The following ZMYM5 variants were observed in gnomAD, a reference collection of about 807,000 sequenced individuals.
ZMYM5 encodes the protein zinc finger MYM-type containing 5, also known as zinc finger MYM-type protein 5.
ZMYM5 carries 41 observed loss-of-function variants against 61.8 expected under a neutral mutation model. The ratio of observed to expected loss-of-function variants is 0.66; its 90% CI spans 0.52 to 0.86. The LOEUF (loss-of-function observed/expected upper bound fraction) is 0.86. Ranked by LOEUF, ZMYM5 falls within the 40% of genes least tolerant of loss-of-function variation. ZMYM5 has a pLI of 0.00. For missense variants in ZMYM5, 706 were observed against 786.7 expected, an observed-to-expected ratio of 0.90 and a Z score of 1.23; for synonymous variants, 257 against 276.4, an observed-to-expected ratio of 0.93 and a Z score of 0.70.
Position 19,824,799 on chromosome 13 carries a change from T to G in ZMYM5, c.1688A>C (p.Tyr563Ser), listed in dbSNP as rs765659781. 1 of 1,354,346 alleles carries G rather than the reference T, an allele frequency of 7.4e-7. No individual in the cohort carries two copies. The highest frequency in any genetic ancestry group is 4.6e-5 in the East Asian group (1 of 21,906). The allele number at this position is 1,354,346 out of a possible 1,614,324, so 83.9% of individuals were successfully genotyped here. The change falls in exon 8 of 8, where the codon TAT becomes TCT. Residue 563 changes from tyrosine (Y) to serine (S), a missense_variant. Tyr to Ser is a moderately radical substitution (Grantham distance 144, BLOSUM62 -2). Coordinates refer to ENST00000337963, the MANE Select transcript of ZMYM5 (RefSeq NM_001142684.2). Reference sequence around the variant, plus strand: ...ACCATTTGGAAGAATCCGTGTATAATAAGTTTCTGAAAACTTCCTCCCTGT... The same window carrying G: ...ACCATTTGGAAGAATCCGTGTATAAGAAGTTTCTGAAAACTTCCTCCCTGT... ...DNTGRKFSET[Y>S]YTRILPNGEK...
At chr13:19,850,946 C>T (rs968893187) in intron 4 of ZMYM5, among the ~76,000 whole-genome samples, 4 of 152,122 alleles carry the variant, frequency 2.6e-5, no homozygotes, top group African/African-American at 4.8e-5. Flanking sequence ...TGGTGGCTCA[C>T]GCCTGTAATT....
Position 19,825,194 on chromosome 13 carries a change from A to G in ZMYM5, c.1293T>C (p.Asn431=), listed in dbSNP as rs1430023876. The change falls in exon 8 of 8, where the codon AAT becomes AAC. Residue 431 remains asparagine (N), a synonymous_variant. Transcript: ENST00000337963. ...CTTCTCTAAAAGCATTCCTTTTTCT[A>G]TTTTCTGATGCTGTTAATTTTTTTG... ...TKSKKLTASE[N]RKRNAFREEN... 2.3e-6 allele frequency: 3 copies of G among 1,280,686 alleles called. No homozygotes were observed. The highest frequency in any genetic ancestry group is 2.8e-5 in the Admixed American group (1 of 36,326). The allele number at this position is 1,280,686 out of a possible 1,614,324, so 79.3% of individuals were successfully genotyped here.
At chr13:19,844,174 G>A (rs984919285) in intron 4 of ZMYM5, among the ~76,000 whole-genome samples, 1 of 151,568 alleles carries the variant, frequency 6.6e-6, no homozygotes, top group Admixed American at 6.6e-5. Flanking sequence ...TAGGTGTGGT[G>A]GTATGCATAC....
At position 19,838,699 on chromosome 13, in the gene ZMYM5, C is replaced by CT; in HGVS notation, c.872dup (p.Asp292ArgfsTer8). On this transcript the variant is annotated frameshift_variant and splice_region_variant. Transcript: ENST00000337963. LOFTEE classifies it high-confidence loss of function. ...GAGAAATGTTGAAAGGTACTGCTTA[C>CT]TTTTTACATATTATGCTTCGTGTGT... is the stretch of plus-strand genomic sequence containing the variant. 6.2e-7 allele frequency: 1 copy of CT among 1,613,846 alleles called. No homozygotes were observed. Among genetic ancestry groups the CT allele is most frequent in the Non-Finnish European group, 8.5e-7 (1 of 1,179,796 alleles).
At chr13:19,848,020 G>A (rs942393504) in intron 4 of ZMYM5, among the ~76,000 whole-genome samples, 1 of 151,662 alleles carries the variant, frequency 6.6e-6, no homozygotes. Flanking sequence ...GCCCAGGCTG[G>A]AGTGCAGTGG....
At chr13:19,858,215 A>C (rs993379889) in intron 2 of ZMYM5, among the ~76,000 whole-genome samples, 2 of 151,130 alleles carry the variant, frequency 1.3e-5, no homozygotes, top group South Asian at 2.1e-4. Flanking sequence ...AAAAAAAAAA[A>C]CAAAAAAACC....
intron 4 of ZMYM5, among the ~76,000 whole-genome samples, chr13:19,841,339 GTTT>G (rs1362469335): frequency 6.6e-6 from 1 of 152,136 alleles, no homozygotes; most frequent in Admixed American, 6.6e-5. Context: ...TTGGAAGGGG[GTTT>G]TTATCAGTAC....
At chr13:19,828,018 C>CAAAAAAA (rs66670324) in intron 7 of ZMYM5, among the ~76,000 whole-genome samples, 19 of 65,852 alleles carry the variant, frequency 2.9e-4, no homozygotes, top group African/African-American at 8.2e-4. Context: ...GACTCCATCT[C>CAAAAAAA]AAAAAAAAAA....
At chr13:19,846,198 T>C (rs1381228989) in intron 4 of ZMYM5, among the ~76,000 whole-genome samples, 1 of 152,230 alleles carries the variant, frequency 6.6e-6, no homozygotes, top group Non-Finnish European at 1.5e-5. Context: ...CATTAAAGTT[T>C]AGCCTTTGAC....
chr13:19,836,705 C>A (rs557719642), intron 6 of ZMYM5, among the ~76,000 whole-genome samples: 4 of 152,138 alleles, frequency 2.6e-5, no homozygotes, highest in Non-Finnish European at 4.4e-5. Context: ...TATTCAGGAT[C>A]GTGTCTGTAT....
chr13:19,846,174 GTTA>G (rs1953065554), intron 4 of ZMYM5, among the ~76,000 whole-genome samples: 1 of 152,096 alleles, frequency 6.6e-6, no homozygotes, highest in Admixed American at 6.6e-5. Context: ...AACAGTAAAA[GTTA>G]TTAATAATTT....
At chr13:19,848,874 G>A (rs1018876005) in intron 4 of ZMYM5, among the ~76,000 whole-genome samples, 3 of 151,912 alleles carry the variant, frequency 2.0e-5, no homozygotes, top group African/African-American at 4.8e-5. Context: ...ACAGGTGCAC[G>A]CCACTATACC....
intron 7 of ZMYM5, among the ~76,000 whole-genome samples, chr13:19,833,101 T>C (rs1268004139): frequency 6.6e-6 from 1 of 152,134 alleles, no homozygotes; most frequent in Non-Finnish European, 1.5e-5. Flanking sequence ...TTAGGTGCAA[T>C]ATATGTAAAG....
intron 2 of ZMYM5, among the ~76,000 whole-genome samples, chr13:19,856,903 G>A (rs1264815800): frequency 6.6e-6 from 1 of 152,004 alleles, no homozygotes; most frequent in Non-Finnish European, 1.5e-5. Flanking sequence ...TCAGGAGATC[G>A]AGACCAGCCT....
intron 7 of ZMYM5, among the ~76,000 whole-genome samples, chr13:19,825,463 T>C (rs903329874): frequency 2.0e-5 from 3 of 150,716 alleles, no homozygotes; most frequent in African/African-American, 7.3e-5. Flanking sequence ...CTGGCCAATA[T>C]GGTGAAACCC....
intron 1 of ZMYM5, among the ~76,000 whole-genome samples, chr13:19,863,011 C>T (rs1198982219): frequency 6.6e-6 from 1 of 152,236 alleles, no homozygotes; most frequent in Non-Finnish European, 1.5e-5. Flanking sequence ...CCCAGCGGGG[C>T]AGAGGCAGAA....
chr13:19,824,560 TC>T lies in ZMYM5; in HGVS notation c.1926del (p.Asn645IlefsTer56). On this transcript the variant is annotated frameshift_variant, in exon 8 of 8. Transcript: ENST00000337963. LOFTEE classifies it high-confidence loss of function. ...GCAGCATCAATAGCTTTATTTTTTT[TC>T]AGATCAGATTTTAATTTTGAGTACT... Reference protein sequence around the residue: ...SVKYSKLKSDLKKNKAIDAAE... With the variant: ...SVKYSKLKSDXKKNKAIDAAE... The T allele has an allele frequency of 7.6e-7, 1 of 1,317,828 alleles. No individual in the cohort carries two copies. Among genetic ancestry groups the T allele is most frequent in the Non-Finnish European group, 1.0e-6 (1 of 1,000,202 alleles). The allele number at this position is 1,317,828 out of a possible 1,614,324, so 81.6% of individuals were successfully genotyped here. A position where few individuals can be genotyped will look rare whatever the true frequency, so the allele number is the denominator to read the frequency against.
At chr13:19,852,232 T>C (rs760102145) in intron 2 of ZMYM5, 42 bp from the exon 3 acceptor site, 25 of 1,480,126 alleles carry the variant, frequency 1.7e-5, no homozygotes, top group African/African-American at 1.1e-4. Flanking sequence ...TAGTATGTTA[T>C]GGTTTTTGCA....
chr13:19,836,456 TTC>T (rs1952678192), intron 6 of ZMYM5, among the ~76,000 whole-genome samples: 1 of 152,140 alleles, frequency 6.6e-6, no homozygotes, highest in Admixed American at 6.6e-5. Flanking sequence ...ATCTTTTTTT[TTC>T]TTTTGATAGT....
Sources: allele counts gnomAD v4.1 joint callset (sites outside exome capture counted in the v4.1 genomes callset), GRCh38; gene constraint gnomAD v4.1.1; transcripts MANE v1.5; gene names NCBI Gene and HGNC (gene_info 2026-07-23, HGNC 2026-07-21).